Variants in PDE10A observed in about 807,000 individuals in gnomAD.
PDE10A encodes phosphodiesterase 10A.
In PDE10A, 39 loss-of-function variants were observed where a neutral mutation model predicts 97.7. The observed-to-expected ratio is 0.40, with a 90% confidence interval of 0.31 to 0.52. PDE10A has a LOEUF of 0.52. PDE10A is among the 20% of genes least tolerant of loss of function. The pLI is 0.56. For missense variants in PDE10A, 731 were observed against 1,047.8 expected (o/e 0.70, Z 4.17); for synonymous variants, 371 against 376.8 (o/e 0.98, Z 0.18).
intron 1 of PDE10A, among the ~76,000 whole-genome samples, chr6:165,689,934 C>T (rs1050515314): frequency 1.4e-4 from 21 of 152,176 alleles, no homozygotes; most frequent in African/African-American, 5.1e-4. Context: ...CAGCATGTAT[C>T]CGTGAGTCAC....
intron 3 of PDE10A, among the ~76,000 whole-genome samples, chr6:165,471,835 CT>C (rs1286982183): frequency 4.6e-5 from 7 of 152,148 alleles, no homozygotes; most frequent in East Asian, 1.9e-4. Flanking sequence ...CCAATCACCC[CT>C]GGCAATGAAA....
At chr6:165,824,913 C>G (rs1195932220) in intron 1 of PDE10A, among the ~76,000 whole-genome samples, 3 of 145,860 alleles carry the variant, frequency 2.1e-5, no homozygotes. Context: ...GTGGATCCAC[C>G]TAAGTTCAAG....
chr6:165,918,235 T>C (rs1356349821), intron 1 of PDE10A, among the ~76,000 whole-genome samples: 1 of 152,218 alleles, frequency 6.6e-6, no homozygotes, highest in Admixed American at 6.5e-5. Context: ...CACAGCAAAA[T>C]TGAGTGGAAA....
intron 1 of PDE10A, among the ~76,000 whole-genome samples, chr6:165,678,090 T>C (rs1383481831): frequency 1.3e-5 from 2 of 150,382 alleles, no homozygotes; most frequent in Non-Finnish European, 3.0e-5. Flanking sequence ...TATGTGTGTG[T>C]ATTAATATGT....
At chr6:165,667,223 A>G (rs113924850), upstream of PDE10A, among the ~76,000 whole-genome samples, 1,587 of 152,152 alleles carry the variant, frequency 0.01, 34 homozygotes, top group African/African-American at 0.036. Flanking sequence ...TTTTATTTCC[A>G]TTGGTTTTTG....
chr6:165,396,589 C>T (rs188660247), intron 13 of PDE10A, 130 bp from the exon 14 acceptor site: 20 of 868,468 alleles, frequency 2.3e-5, no homozygotes, highest in Non-Finnish European at 3.5e-5. Context: ...TTATTATTAT[C>T]CGTATTTCCA....
In PDE10A at chr6:165,422,220, C is replaced by A. The variant is rs1788743578; in HGVS notation, c.1654-3443G>T. Among the ~76,000 whole-genome samples the A allele has an allele frequency of 2.0e-5, 3 of 152,084 alleles. No homozygotes were observed. In the South Asian group the frequency reaches 6.2e-4, roughly 32 times the overall value. ...AAATTTTGGTAATATTTATAAAGTCCAAACATCAGGTCAATCTAAAAGCCA... is the reference window on the plus strand; with the variant it reads ...AAATTTTGGTAATATTTATAAAGTCAAAACATCAGGTCAATCTAAAAGCCA... On this transcript the variant is annotated intron_variant, in intron 10 of 21. Transcript: ENST00000539869.
chr6:165,632,251 GA>G, intron 1 of PDE10A, among the ~76,000 whole-genome samples: 1 of 147,828 alleles, frequency 6.8e-6, no homozygotes, highest in Non-Finnish European at 1.5e-5. Context: ...ACAGGAAACG[GA>G]ATGAACACCA....
At chr6:165,571,348 T>C (rs776987343) in intron 1 of PDE10A, among the ~76,000 whole-genome samples, 16 of 152,192 alleles carry the variant, frequency 1.1e-4, no homozygotes, top group Non-Finnish European at 2.2e-4. Context: ...TGAAATTCTG[T>C]TGGGAAACCT....
At chr6:165,766,880 A>C (rs1388609292) in intron 1 of PDE10A, among the ~76,000 whole-genome samples, 2 of 152,266 alleles carry the variant, frequency 1.3e-5, no homozygotes, top group African/African-American at 4.8e-5. Context: ...TAGGTGGCAC[A>C]GAGCTTTTTC....
intron 1 of PDE10A, chr6:165,894,383 C>T (rs1232353361): frequency 2.2e-6 from 1 of 455,996 alleles, no homozygotes; most frequent in Non-Finnish European, 4.4e-6. Context: ...GGCCAGAACA[C>T]TTGGCTGAAA....
intron 1 of PDE10A, among the ~76,000 whole-genome samples, chr6:165,873,617 C>G (rs1299114636): frequency 6.6e-6 from 1 of 151,994 alleles, no homozygotes; most frequent in Non-Finnish European, 1.5e-5. Context: ...CTTAAAAAAA[C>G]TTATTTGGGT....
chr6:165,546,273 T>C (rs1347920951), intron 1 of PDE10A, among the ~76,000 whole-genome samples: 2 of 152,004 alleles, frequency 1.3e-5, no homozygotes, highest in Non-Finnish European at 2.9e-5. Flanking sequence ...AAAGGGCAAA[T>C]TATGAATAGG....
intron 20 of PDE10A, 28 bp from the exon 21 acceptor site, chr6:165,336,239 G>T (rs773852367): frequency 1.0e-5 from 15 of 1,496,890 alleles, no homozygotes; most frequent in Middle Eastern, 1.7e-4. Context: ...CCACGGACAA[G>T]AAACAAAAGT....
At chr6:165,427,432 G>T (rs1283042050) in intron 10 of PDE10A, among the ~76,000 whole-genome samples, 1 of 152,090 alleles carries the variant, frequency 6.6e-6, no homozygotes, top group Non-Finnish European at 1.5e-5. Context: ...CATGGAGAAA[G>T]AACGTAGACA....
chr6:165,617,067 A>G (rs1302790896), intron 1 of PDE10A, among the ~76,000 whole-genome samples: 1 of 152,232 alleles, frequency 6.6e-6, no homozygotes, highest in Admixed American at 6.5e-5. Flanking sequence ...AAAGACTGGC[A>G]TATCCTCAAA....
At chr6:165,694,492 C>A (rs945282833) in intron 1 of PDE10A, among the ~76,000 whole-genome samples, 2 of 152,208 alleles carry the variant, frequency 1.3e-5, no homozygotes. Flanking sequence ...GCATTCACTG[C>A]TCCTCAACTC....
rs1445934362 is a variant in PDE10A at position 165,339,467 on chromosome 6, A to G, written c.2896-109T>C. ...TCCTTAATTTTCTTCAAAACAAATA[A>G]TGTTTGTGGTTGTTAACCCAAGAAA... On this transcript the variant is annotated intron_variant, in intron 19 of 21. Coordinates refer to ENST00000539869, the MANE Select transcript of PDE10A (RefSeq NM_001385079.1). 8 of 739,138 alleles carry G rather than the reference A, an allele frequency of 1.1e-5. No individual in the cohort carries two copies. The East Asian group carries it at 2.0e-4, about 19-fold the overall frequency. 45.8% of individuals were successfully genotyped at this position (739,138 alleles called of 1,614,324 possible).
At position 165,816,310 on chromosome 6, in the gene PDE10A, T is replaced by G. The variant is rs146170174; in HGVS notation, c.-615+171219A>C. Among the ~76,000 whole-genome samples the G allele has an allele frequency of 9.6e-4, 147 of 152,332 alleles. 3 individuals are homozygous for G. The East Asian group carries it at 0.026, about 27-fold the overall frequency. On this transcript the variant is annotated intron_variant, in intron 1 of 19. Coordinates refer to the PDE10A transcript ENST00000366882. ...AATAACCAACTCCTGATAAAGAAAC[T>G]TGAATAACCATTCAGTTAATATTTA...
Sources: gnomAD v4.1 joint callset for allele counts (sites outside exome capture counted in the v4.1 genomes callset) on GRCh38, gnomAD v4.1.1 for gene constraint, MANE v1.5 for transcripts, NCBI Gene and HGNC (gene_info 2026-07-23, HGNC 2026-07-21) for gene names.